FGF10: variants seen among roughly 807,000 people sequenced by gnomAD.
The protein encoded by FGF10 is fibroblast growth factor 10, also known as FGF-10.
A neutral mutation model predicts 19.8 loss-of-function variants in FGF10; 2 were observed. That is an observed-to-expected ratio of 0.10 (90% CI 0.04 to 0.32). The LOEUF is 0.32. FGF10 is among the 10% of genes least tolerant of loss of function. The pLI, the probability that FGF10 is intolerant of heterozygous loss-of-function variation, is 1.00. For synonymous variants in FGF10, 112 were observed against 94.0 expected (o/e 1.19, Z -1.10); for missense variants, 191 against 246.3 (o/e 0.78, Z 1.50).
intron 1 of FGF10, among the ~76,000 whole-genome samples, chr5:44,347,802 A>G (rs944648327): frequency 7.9e-5 from 12 of 151,722 alleles, no homozygotes; most frequent in Non-Finnish European, 1.6e-4. Flanking sequence ...GTGCTGGTGG[A>G]GGGGACCCAA....
rs546879715 is a variant in FGF10, at chr5:44,302,765, A to G, written c.*2230T>C. ...AATATATTTTGCTAGAAGCTGTTTT[A>G]GTGTCTTGAGTACTATAATGATGAC... is the stretch of plus-strand genomic sequence containing the variant. On this transcript the variant is annotated 3_prime_UTR_variant, in exon 3 of 3. Transcript: ENST00000264664. Among the ~76,000 whole-genome samples the G allele has an allele frequency of 6.7e-6, 1 of 149,360 alleles. No homozygotes were observed. Among genetic ancestry groups the G allele is most frequent in the African/African-American group, 2.4e-5 (1 of 41,426 alleles).
chr5:44,366,995 T>G (rs1440093805), intron 1 of FGF10, among the ~76,000 whole-genome samples: 1 of 152,076 alleles, frequency 6.6e-6, no homozygotes, highest in Admixed American at 6.6e-5. Context: ...CTTCAGGCAG[T>G]TTGGCATCAA....
chr5:44,378,667 A>G (rs1483531066), intron 1 of FGF10, among the ~76,000 whole-genome samples: 1 of 152,114 alleles, frequency 6.6e-6, no homozygotes, highest in Non-Finnish European at 1.5e-5. Flanking sequence ...TCCTGACCTC[A>G]TGATCTGCCC....
chr5:44,343,315 T>C (rs1172598137), intron 1 of FGF10, among the ~76,000 whole-genome samples: 1 of 152,006 alleles, frequency 6.6e-6, no homozygotes, highest in East Asian at 1.9e-4. Flanking sequence ...CTAAAGATCC[T>C]TAAAGCCTAT....
intron 1 of FGF10, among the ~76,000 whole-genome samples, chr5:44,342,807 A>G (rs550642867): frequency 3.3e-5 from 5 of 152,140 alleles, no homozygotes; most frequent in African/African-American, 7.2e-5. Flanking sequence ...TCTGTTTTAC[A>G]TGAGTAAACA....
intron 1 of FGF10, among the ~76,000 whole-genome samples, chr5:44,330,973 T>C (rs1452830765): frequency 2.6e-5 from 4 of 152,278 alleles, no homozygotes; most frequent in East Asian, 3.9e-4. Context: ...ATATTCTTAA[T>C]AATTAATGGT....
In FGF10 at chr5:44,344,795, G is replaced by A. The variant is rs965560436; in HGVS notation, c.326-34265C>T. Among the ~76,000 whole-genome samples, 7 of 151,716 alleles carry A rather than the reference G, an allele frequency of 4.6e-5. 1 individual carries two copies. The highest frequency in any genetic ancestry group is 1.7e-4 in the African/African-American group (7 of 41,246). On this transcript the variant is annotated intron_variant, in intron 1 of 2. Transcript: ENST00000264664. ...CAGTGGTTTCTAGGGGTCAGTAAAA[G>A]AAAGGAAGTTTTGGAACTTTCAAAG...
In FGF10 at chr5:44,302,471, G is replaced by A. The variant is rs80237979; in HGVS notation, c.*2524C>T. Among the ~76,000 whole-genome samples the A allele has an allele frequency of 6.1e-4, 92 of 151,970 alleles. No individual in the cohort carries two copies. In the East Asian group the frequency reaches 9.5e-3, roughly 16 times the overall value. On this transcript the variant is annotated 3_prime_UTR_variant, in exon 3 of 3. Coordinates refer to ENST00000264664, the MANE Select transcript of FGF10 (RefSeq NM_004465.2). Reference sequence around the variant, plus strand: ...ACTCCTGGGCCCAAGAGATCCTTCCGTTTCAGCCTCCTGAGTAGTTGGGAC... The same window carrying A: ...ACTCCTGGGCCCAAGAGATCCTTCCATTTCAGCCTCCTGAGTAGTTGGGAC...
chr5:44,355,022 G>A (rs1741315283), intron 1 of FGF10, among the ~76,000 whole-genome samples: 1 of 151,504 alleles, frequency 6.6e-6, no homozygotes, highest in Non-Finnish European at 1.5e-5. Context: ...TTAAAAGGCA[G>A]TGACTTTATT....
At chr5:44,373,717 T>G (rs1741795053) in intron 1 of FGF10, among the ~76,000 whole-genome samples, 1 of 152,136 alleles carries the variant, frequency 6.6e-6, no homozygotes, top group African/African-American at 2.4e-5. Context: ...TTATATGTAT[T>G]CTCTAAATGA....
chr5:44,304,549 T>A lies in FGF10; in HGVS notation c.*446A>T, dbSNP rs1740029234. ...TATGACCCAAGTGCTTTCCAGTAAATGCTTGCATGTATTACTGTTCATTGA... is the reference window on the plus strand; with the variant it reads ...TATGACCCAAGTGCTTTCCAGTAAAAGCTTGCATGTATTACTGTTCATTGA... On this transcript the variant is annotated 3_prime_UTR_variant, in exon 3 of 3. Transcript: ENST00000264664. The A allele has an allele frequency of 1.1e-5, 2 of 189,182 alleles. No individual in the cohort carries two copies. The highest frequency in any genetic ancestry group is 2.2e-5 in the Non-Finnish European group (2 of 89,884). The allele number at this position is 189,182 out of a possible 1,614,324, so 11.7% of individuals were successfully genotyped here.
chr5:44,381,093 G>A (rs577141087), intron 1 of FGF10, among the ~76,000 whole-genome samples: 4 of 152,198 alleles, frequency 2.6e-5, no homozygotes, highest in African/African-American at 9.6e-5. Context: ...GTTATTGGGA[G>A]CAAAAATTTA....
At chr5:44,333,189 C>G (rs1579912036) in intron 1 of FGF10, among the ~76,000 whole-genome samples, 1 of 152,152 alleles carries the variant, frequency 6.6e-6, no homozygotes, top group East Asian at 1.9e-4. Flanking sequence ...TAAAATCAGT[C>G]TAGAGAGAAA....
At chr5:44,329,264 C>T (rs1028039459) in intron 1 of FGF10, among the ~76,000 whole-genome samples, 3 of 152,130 alleles carry the variant, frequency 2.0e-5, no homozygotes, top group Non-Finnish European at 4.4e-5. Context: ...GCAACCTCTG[C>T]CTCCCGAGTT....
chr5:44,345,088 G>A (rs1741057375), intron 1 of FGF10, among the ~76,000 whole-genome samples: 1 of 151,778 alleles, frequency 6.6e-6, no homozygotes, highest in Non-Finnish European at 1.5e-5. Flanking sequence ...GATATTTTTA[G>A]TGACAAAATA....
intron 2 of FGF10, among the ~76,000 whole-genome samples, chr5:44,307,955 G>A (rs895098855): frequency 6.6e-6 from 1 of 152,228 alleles, no homozygotes. Flanking sequence ...TCTACCAGAG[G>A]TTAGGTTTAT....
chr5:44,329,446 A>G (rs1314285652), intron 1 of FGF10, among the ~76,000 whole-genome samples: 1 of 152,104 alleles, frequency 6.6e-6, no homozygotes, highest in Non-Finnish European at 1.5e-5. Context: ...AAGTGCTGGG[A>G]TTACAGGTGT....
chr5:44,359,282 G>A (rs1291580636), intron 1 of FGF10, among the ~76,000 whole-genome samples: 3 of 151,368 alleles, frequency 2.0e-5, no homozygotes, highest in Non-Finnish European at 4.4e-5. Context: ...AGTTATATTG[G>A]CACACAGGGA....
chr5:44,369,422 G>A (rs1371766820), intron 1 of FGF10, among the ~76,000 whole-genome samples: 2 of 152,038 alleles, frequency 1.3e-5, no homozygotes, highest in Non-Finnish European at 2.9e-5. Context: ...CTAGGTTCCC[G>A]CCAACACTCT....
Sources: allele counts gnomAD v4.1 joint callset (sites outside exome capture counted in the v4.1 genomes callset), GRCh38; gene constraint gnomAD v4.1.1; transcripts MANE v1.5; gene names NCBI Gene and HGNC (gene_info 2026-07-23, HGNC 2026-07-21).